Variants in CAMP observed in about 807,000 individuals in gnomAD.
CAMP encodes the protein cathelicidin antimicrobial peptide, also known as 18 kDa cationic antimicrobial protein.
Under a neutral mutation model 12.7 loss-of-function variants are expected in CAMP, and 10 were observed. The observed-to-expected ratio is 0.79, with a 90% CI of 0.49 to 1.34. The LOEUF (loss-of-function observed/expected upper bound fraction) is 1.34, where lower values mean the gene tolerates loss of function less well. CAMP is among the 40% of genes most tolerant of loss of function. CAMP has a pLI of 0.00. For synonymous variants in CAMP, 87 were observed against 85.2 expected (o/e 1.02, Z -0.12); for missense variants, 205 against 213.0 (o/e 0.96, Z 0.23).
intron 3 of CAMP, 33 bp downstream of exon 3, chr3:48,224,707 T>TG: frequency 6.6e-7 from 1 of 1,504,774 alleles, no homozygotes; most frequent in Non-Finnish European, 9.2e-7. Context: ...CAGGGGCTGA[T>TG]GGGGGCATAG....
chr3:48,225,003 C>T (rs1459345394), intron 3 of CAMP, among the ~76,000 whole-genome samples: 1 of 152,198 alleles, frequency 6.6e-6, no homozygotes, highest in Non-Finnish European at 1.5e-5. Context: ...TTGAGAGCCA[C>T]TGTCTAAGAG....
chr3:48,224,449 CAAG>C lies in CAMP; in HGVS notation c.301_303del (p.Lys101del), dbSNP rs756390571. ...AGCAGTCACCAGAGGATTGTGACTTCAAGAAGGACGGGGTGAGGCTGGGGGCTG... is the reference window on the plus strand; with the variant it reads ...AGCAGTCACCAGAGGATTGTGACTTCAAGGACGGGGTGAGGCTGGGGGCTG... On this transcript the variant is annotated inframe_deletion, in exon 2 of 4. Transcript: ENST00000652295. 6.2e-6 allele frequency: 10 copies of C among 1,611,730 alleles called. No individual in the cohort carries two copies. Among genetic ancestry groups the C allele is most frequent in the Non-Finnish European group, 7.6e-6 (9 of 1,177,860 alleles).
At position 48,224,377 on chromosome 3, in the gene CAMP, G is replaced by A; in HGVS notation, c.225G>A (p.Lys75=). The change falls in exon 2 of 4, where the codon AAG becomes AAA. Residue 75 remains lysine, a synonymous_variant. Transcript: ENST00000652295. ...AGGATGGGGACCCAGACACGCCAAA[G>A]CCTGTGAGCTTCACAGTGAAGGAGA... ...PTMDGDPDTP[K]PVSFTVKETV... 1 of 1,613,620 alleles carries A rather than the reference G, an allele frequency of 6.2e-7. No individual in the cohort carries two copies. The highest frequency in any genetic ancestry group is 8.5e-7 in the Non-Finnish European group (1 of 1,179,586).
intron 2 of CAMP, 29 bp downstream of exon 2, chr3:48,224,490 G>A (rs2033477134): frequency 1.3e-6 from 2 of 1,566,248 alleles, no homozygotes; most frequent in Non-Finnish European, 8.8e-7. Context: ...GGTGTTGGTG[G>A]GTGCCTCCCA....
At position 48,225,386 on chromosome 3, in the gene CAMP, G is replaced by T; in HGVS notation, c.475G>T (p.Asp159Tyr). Reference protein sequence around the residue: ...EFKRIVQRIKDFLRNLVPRTE... With the variant: ...EFKRIVQRIKYFLRNLVPRTE... ...TAAAAGAATTGTCCAGAGAATCAAG[G>T]ATTTTTTGCGGAATCTTGTACCCAG... Residue 159 changes from aspartate to tyrosine, a missense_variant, in exon 4 of 4, where the codon GAT (aspartate) becomes TAT (tyrosine). By Grantham distance (160) the Asp-to-Tyr change is radical. Coordinates refer to ENST00000652295, the MANE Select transcript of CAMP (RefSeq NM_004345.5). 2 of 1,613,862 alleles carry T rather than the reference G, an allele frequency of 1.2e-6. No individual in the cohort carries two copies. The highest frequency in any genetic ancestry group is 2.2e-5 in the South Asian group (2 of 91,054).
At chr3:48,223,826 C>T (rs944691048) in intron 1 of CAMP, 114 bp downstream of exon 1, 26 of 776,146 alleles carry the variant, frequency 3.3e-5, no homozygotes, top group Admixed American at 4.9e-5. Flanking sequence ...AATGTGGTCC[C>T]GTGTTTTCCA....
chr3:48,223,734 G>A (rs760422369), intron 1 of CAMP, 22 bp downstream of exon 1: 1 of 1,596,126 alleles, frequency 6.3e-7, no homozygotes, highest in Non-Finnish European at 8.6e-7. Flanking sequence ...GGGACATTCT[G>A]CTCTGCTCTG....
At position 48,223,651 on chromosome 3, in the gene CAMP, A is replaced by C. The variant is rs568996667; in HGVS notation, c.140A>C (p.Asn47Thr). Reference sequence around the variant, plus strand: ...GTGCTTCGTGCTATAGATGGCATCAACCAGCGGTCCTCGGATGCTAACCTC... The same window carrying C: ...GTGCTTCGTGCTATAGATGGCATCACCCAGCGGTCCTCGGATGCTAACCTC... Reference protein sequence around the residue: ...EAVLRAIDGINQRSSDANLYR... With the variant: ...EAVLRAIDGITQRSSDANLYR... The change falls in exon 1 of 4, where the codon AAC becomes ACC. Residue 47 changes from asparagine to threonine, a missense_variant. Physicochemically the swap from Asn to Thr is moderately conservative, Grantham distance 65 (BLOSUM62 0). Coordinates refer to ENST00000652295, the MANE Select transcript of CAMP (RefSeq NM_004345.5). 4 of 1,614,180 alleles carry C rather than the reference A, an allele frequency of 2.5e-6. No homozygotes were observed. In the South Asian group the frequency reaches 4.4e-5, roughly 18 times the overall value.
In CAMP at chr3:48,224,647, G is replaced by A. The variant is rs745415316; in HGVS notation, c.354G>A (p.Arg118=). The change falls in exon 3 of 4, where the codon AGG becomes AGA. Residue 118 remains arginine (R), a synonymous_variant. Coordinates refer to ENST00000652295, the MANE Select transcript of CAMP (RefSeq NM_004345.5). ...GGACAGTGACCCTCAACCAGGCCAGGGGCTCCTTTGACATCAGTTGTGATA... is the reference window on the plus strand; with the variant it reads ...GGACAGTGACCCTCAACCAGGCCAGAGGCTCCTTTGACATCAGTTGTGATA... ...CMGTVTLNQA[R]GSFDISCDKD... 6.2e-7 allele frequency: 1 copy of A among 1,613,858 alleles called. No individual in the cohort carries two copies. Among genetic ancestry groups the A allele is most frequent in the Non-Finnish European group, 8.5e-7 (1 of 1,179,840 alleles).
chr3:48,223,872 G>A (rs926354416), intron 1 of CAMP, among the ~76,000 whole-genome samples, 160 bp downstream of exon 1: 3 of 152,098 alleles, frequency 2.0e-5, no homozygotes, highest in African/African-American at 7.2e-5. Context: ...CTCCCAGCTC[G>A]AGAGCTTCCT....
At chr3:48,223,854 C>T (rs1417400733) in intron 1 of CAMP, 142 bp downstream of exon 1, 14 of 653,574 alleles carry the variant, frequency 2.1e-5, no homozygotes, top group Admixed American at 2.7e-5. Flanking sequence ...TTCTAGAGCT[C>T]GTGTCTCCTC....
In CAMP at chr3:48,225,434, T is replaced by C. The variant is rs758327776; in HGVS notation, c.*10T>C. On this transcript the variant is annotated 3_prime_UTR_variant, in exon 4 of 4. Transcript: ENST00000652295. Reference sequence around the variant, plus strand: ...CAGGACAGAGTCCTAGTGTGTGCCCTACCCTGGCTCAGGCTTCTGGGCTCT... The same window carrying C: ...CAGGACAGAGTCCTAGTGTGTGCCCCACCCTGGCTCAGGCTTCTGGGCTCT... 1 of 1,607,798 alleles carries C rather than the reference T, an allele frequency of 6.2e-7. No homozygotes were observed. Among genetic ancestry groups the C allele is most frequent in the Non-Finnish European group, 8.5e-7 (1 of 1,175,260 alleles).
intron 1 of CAMP, 142 bp downstream of exon 1, chr3:48,223,854 C>G (rs1417400733): frequency 6.1e-6 from 4 of 653,694 alleles, no homozygotes; most frequent in Admixed American, 5.5e-5. Context: ...TTCTAGAGCT[C>G]GTGTCTCCTC....
rs1424718697 is a variant in CAMP, at chr3:48,223,520, C to G, written c.9C>G (p.Thr3=). The change falls in exon 1 of 4, where the codon ACC becomes ACG. Residue 3 remains threonine, a synonymous_variant. Transcript: ENST00000652295. ...AGGCAGACATGGGGACCATGAAGAC[C>G]CAAAGGGATGGCCACTCCCTGGGGC... The part of the protein sequence containing the change: MK[T]QRDGHSLGRW... 1 of 1,595,012 alleles carries G rather than the reference C, an allele frequency of 6.3e-7. No homozygotes were observed. Among genetic ancestry groups the G allele is most frequent in the Admixed American group, 1.8e-5 (1 of 56,512 alleles).
Position 48,224,526 on chromosome 3 carries a change from G to T in CAMP, c.309+65G>T, listed in dbSNP as rs186776807. 364 of 1,531,626 alleles carry T rather than the reference G, an allele frequency of 2.4e-4. 1 individual carries two copies. In the African/African-American group the frequency reaches 4.2e-3, roughly 18 times the overall value. 94.9% of individuals were successfully genotyped at this position (1,531,626 alleles called of 1,614,324 possible). ...AGGAGCTGAACAGGGGGCACCTGGGGAATATTTCCCACTGGGATGTGGCTG... is the reference window on the plus strand; with the variant it reads ...AGGAGCTGAACAGGGGGCACCTGGGTAATATTTCCCACTGGGATGTGGCTG... On this transcript the variant is annotated intron_variant, in intron 2 of 3. Coordinates refer to ENST00000652295, the MANE Select transcript of CAMP (RefSeq NM_004345.5).
chr3:48,224,495 C>T (rs2033477278), intron 2 of CAMP, 34 bp downstream of exon 2: 1 of 1,558,368 alleles, frequency 6.4e-7, no homozygotes, highest in African/African-American at 1.4e-5. Flanking sequence ...TGGTGGGTGC[C>T]TCCCAAGGAG....
intron 3 of CAMP, 133 bp downstream of exon 3, chr3:48,224,807 G>A (rs1460748993): frequency 8.4e-6 from 6 of 717,486 alleles, no homozygotes; most frequent in African/African-American, 5.3e-5. Context: ...CCAAACCTGA[G>A]TTCCATCTCC....
Position 48,224,403 on chromosome 3 carries a change from C to G in CAMP, c.251C>G (p.Thr84Arg). 1 of 1,613,966 alleles carries G rather than the reference C, an allele frequency of 6.2e-7. No homozygotes were observed. Among genetic ancestry groups the G allele is most frequent in the Middle Eastern group, 1.6e-4 (1 of 6,062 alleles). ...CCTGTGAGCTTCACAGTGAAGGAGACAGTGTGCCCCAGGACGACACAGCAG... is the reference window on the plus strand; with the variant it reads ...CCTGTGAGCTTCACAGTGAAGGAGAGAGTGTGCCCCAGGACGACACAGCAG... Reference protein sequence around the residue: ...PKPVSFTVKETVCPRTTQQSP... With the variant: ...PKPVSFTVKERVCPRTTQQSP... The change falls in exon 2 of 4, where the codon ACA (threonine) becomes AGA (arginine). Residue 84 changes from threonine (T) to arginine (R), a missense_variant. Coordinates refer to ENST00000652295, the MANE Select transcript of CAMP (RefSeq NM_004345.5).
In CAMP at chr3:48,225,277, CT is replaced by C. The variant is rs1559975038; in HGVS notation, c.382-15del. On this transcript the variant is annotated splice_polypyrimidine_tract_variant and intron_variant, in intron 3 of 3. Transcript: ENST00000652295. ...TCCCCGACAAGGAACCTGTTTCTTCCTGTACACAACCCCAGGATAACAAGAG... is the reference window on the plus strand; with the variant it reads ...TCCCCGACAAGGAACCTGTTTCTTCCGTACACAACCCCAGGATAACAAGAG... 2 of 1,612,374 alleles carry C rather than the reference CT, an allele frequency of 1.2e-6. No individual in the cohort carries two copies. The highest frequency in any genetic ancestry group is 1.7e-6 in the Non-Finnish European group (2 of 1,179,002).
Sources: allele counts gnomAD v4.1 joint callset (sites outside exome capture counted in the v4.1 genomes callset), GRCh38; gene constraint gnomAD v4.1.1; transcripts MANE v1.5; gene names NCBI Gene and HGNC (gene_info 2026-07-23, HGNC 2026-07-21).